The following ELOC variants were observed in gnomAD, a reference collection of about 807,000 sequenced individuals.
ELOC encodes the protein elongin C, also known as elongin-C.
For synonymous variants in ELOC, 40 were observed against 51.3 expected (o/e 0.78, Z 0.94); for missense variants, 38 against 139.0 (o/e 0.27, Z 3.65).
intron 1 of ELOC, among the ~76,000 whole-genome samples, chr8:73,961,749 G>A (rs1814615818): frequency 6.6e-6 from 1 of 152,076 alleles, no homozygotes; most frequent in African/African-American, 2.4e-5. Flanking sequence ...CTGACCTCAG[G>A]TGATCCACTT....
chr8:73,949,372 A>T (rs1813601954), intron 3 of ELOC, among the ~76,000 whole-genome samples: 1 of 152,228 alleles, frequency 6.6e-6, no homozygotes, highest in African/African-American at 2.4e-5. Flanking sequence ...TTGATACTAG[A>T]CAAACATCAG....
chr8:73,962,711 A>C (rs924074218), intron 1 of ELOC, among the ~76,000 whole-genome samples: 1 of 152,220 alleles, frequency 6.6e-6, no homozygotes, highest in Non-Finnish European at 1.5e-5. Flanking sequence ...AACAATGCAA[A>C]GTCACATCTT....
rs1813441610 is a variant in ELOC at position 73,947,301 on chromosome 8, CG to C, written c.149-482del. Among the ~76,000 whole-genome samples the C allele has an allele frequency of 2.6e-5, 4 of 152,018 alleles. No individual in the cohort carries two copies. The South Asian group carries it at 8.3e-4, about 32-fold the overall frequency. ...CGCGCCCGGCCATGATTGGTATTCT[CG>C]TAAGAGATCCGGACAGAGATGGGCA... On this transcript the variant is annotated intron_variant, in intron 3 of 3. Transcript: ENST00000520242.
chr8:73,956,720 T>C (rs1311348693), intron 2 of ELOC, among the ~76,000 whole-genome samples: 1 of 152,216 alleles, frequency 6.6e-6, no homozygotes, highest in African/African-American at 2.4e-5. Context: ...TTTTTAGAAA[T>C]AAGATGCATA....
intron 1 of ELOC, among the ~76,000 whole-genome samples, chr8:73,965,800 G>A (rs182860233): frequency 1.1e-4 from 17 of 152,298 alleles, no homozygotes; most frequent in Non-Finnish European, 2.1e-4. Context: ...GCTTTTGAAA[G>A]TGACATCGGT....
chr8:73,951,647 C>CACAACAACAACAACAACAACAACA (rs71269967), intron 3 of ELOC, among the ~76,000 whole-genome samples: 1 of 149,804 alleles, frequency 6.7e-6, no homozygotes, highest in African/African-American at 2.5e-5. Context: ...CAAAAAACCC[C>CACAACAACAACAACAACAACAACA]ACAACAACAA....
At chr8:73,955,605 C>CAA (rs745881399) in intron 3 of ELOC, 345 of 189,086 alleles carry the variant, frequency 1.8e-3, no homozygotes, top group South Asian at 3.8e-3. Flanking sequence ...GACTCTGTCT[C>CAA]AAAAAAAAAA....
intron 1 of ELOC, among the ~76,000 whole-genome samples, chr8:73,971,297 A>G (rs34432301): frequency 0.12 from 17,947 of 152,092 alleles, 1,139 homozygotes; most frequent in East Asian, 0.26. Flanking sequence ...GCTACGTGGG[A>G]GGCTGAGGCA....
chr8:73,970,049 G>C (rs748969272), intron 1 of ELOC, among the ~76,000 whole-genome samples: 19 of 152,118 alleles, frequency 1.2e-4, no homozygotes, highest in Non-Finnish European at 2.8e-4. Flanking sequence ...CAGCACTTTG[G>C]GAGGCCAAGG....
At chr8:73,958,857 T>C (rs1384985760) in intron 2 of ELOC, among the ~76,000 whole-genome samples, 2 of 152,182 alleles carry the variant, frequency 1.3e-5, no homozygotes, top group African/African-American at 2.4e-5. Flanking sequence ...AATGCATCAT[T>C]AGGCAATCTT....
chr8:73,958,454 T>TAC (rs1406097853), intron 2 of ELOC, among the ~76,000 whole-genome samples: 1 of 151,986 alleles, frequency 6.6e-6, no homozygotes, highest in Non-Finnish European at 1.5e-5. Flanking sequence ...CACACACACA[T>TAC]ACACACACAC....
chr8:73,957,719 A>G (rs1011347487), intron 2 of ELOC, among the ~76,000 whole-genome samples: 2 of 152,210 alleles, frequency 1.3e-5, no homozygotes, highest in Admixed American at 6.5e-5. Flanking sequence ...TAAAGAGACA[A>G]GTTAATGCAT....
intron 2 of ELOC, among the ~76,000 whole-genome samples, chr8:73,957,777 T>G (rs959736718): frequency 6.6e-6 from 1 of 151,456 alleles, no homozygotes; most frequent in Admixed American, 6.6e-5. Flanking sequence ...CCCACCCAAC[T>G]ATTTGTTTAT....
At chr8:73,971,032 C>CAAAAAAAAAAAAAAAAAAAA (rs67188912) in intron 1 of ELOC, among the ~76,000 whole-genome samples, 2 of 62,030 alleles carry the variant, frequency 3.2e-5, no homozygotes, top group Non-Finnish European at 3.0e-5. Context: ...GACTCCGTCT[C>CAAAAAAAAAAAAAAAAAAAA]AAAAAAAAAA....
In ELOC at chr8:73,946,830, A is replaced by G. The variant is rs1586587329; in HGVS notation, c.149-10T>C. ...TTCTCAGCAAACTGACCTGTAAAAC[A>G]AAAGAATTATGTATGTTATTGGCTG... is the stretch of plus-strand genomic sequence containing the variant. On this transcript the variant is annotated splice_polypyrimidine_tract_variant and intron_variant, in intron 3 of 3. Coordinates refer to ENST00000520242, the MANE Select transcript of ELOC (RefSeq NM_005648.4). The G allele has an allele frequency of 1.2e-6, 2 of 1,604,902 alleles. No homozygotes were observed. Among genetic ancestry groups the G allele is most frequent in the African/African-American group, 2.7e-5 (2 of 74,668 alleles).
chr8:73,947,231 C>T (rs546733690), intron 3 of ELOC, among the ~76,000 whole-genome samples: 1 of 152,284 alleles, frequency 6.6e-6, no homozygotes, highest in Non-Finnish European at 1.5e-5. Flanking sequence ...TCATGATCCA[C>T]CCACCTCAGC....
chr8:73,954,018 A>C (rs936424288), intron 3 of ELOC, among the ~76,000 whole-genome samples: 2 of 152,240 alleles, frequency 1.3e-5, no homozygotes, highest in Non-Finnish European at 2.9e-5. Context: ...CATAAAAAAG[A>C]ATGAAGTGCT....
At chr8:73,964,115 T>TAAAAAAAA in intron 1 of ELOC, among the ~76,000 whole-genome samples, 1 of 54,486 alleles carries the variant, frequency 1.8e-5, no homozygotes, top group African/African-American at 6.0e-5. Flanking sequence ...AAAAAAAAAG[T>TAAAAAAAA]ATTACATATA....
At chr8:73,969,104 C>T (rs151074347) in intron 1 of ELOC, among the ~76,000 whole-genome samples, 180 of 152,240 alleles carry the variant, frequency 1.2e-3, no homozygotes, top group Non-Finnish European at 1.9e-3. Context: ...GTTTTTCTCC[C>T]GAGTGCCAGT....
Sources: gnomAD v4.1 joint callset for allele counts (sites outside exome capture counted in the v4.1 genomes callset) on GRCh38, gnomAD v4.1.1 for gene constraint, MANE v1.5 for transcripts, NCBI Gene and HGNC (gene_info 2026-07-23, HGNC 2026-07-21) for gene names.